WDR41: variants seen among roughly 807,000 people sequenced by gnomAD.
WDR41 encodes WD repeat-containing protein 41.
WDR41 carries 63 observed loss-of-function variants against 69.3 expected under a neutral mutation model. That is an observed-to-expected ratio of 0.91 (90% CI 0.74 to 1.12). The LOEUF is 1.12. WDR41 is among the 50% of genes most tolerant of loss of function. The pLI is 0.00. For synonymous variants in WDR41, 185 were observed against 192.1 expected (o/e 0.96, Z 0.31); for missense variants, 543 against 534.5 (o/e 1.02, Z -0.16).
chr5:77,615,371 T>G (rs1276943562), intron 1 of WDR41, among the ~76,000 whole-genome samples: 1 of 152,144 alleles, frequency 6.6e-6, no homozygotes, highest in Non-Finnish European at 1.5e-5. Context: ...ATATTTATAA[T>G]GTCTGAGATA....
intron 1 of WDR41, among the ~76,000 whole-genome samples, chr5:77,539,669 T>C (rs1293250197): frequency 6.6e-6 from 1 of 152,210 alleles, no homozygotes; most frequent in Non-Finnish European, 1.5e-5. Context: ...AGCCTCTGTT[T>C]CCTGTAAAAT....
chr5:77,434,951 GT>G (rs1561723254), intron 12 of WDR41, among the ~76,000 whole-genome samples: 1 of 152,028 alleles, frequency 6.6e-6, no homozygotes, highest in African/African-American at 2.4e-5. Context: ...AAAAAATAAA[GT>G]CCAAACTCCT....
chr5:77,586,297 T>G (rs1744037366), intron 1 of WDR41, among the ~76,000 whole-genome samples: 1 of 144,468 alleles, frequency 6.9e-6, no homozygotes, highest in Admixed American at 7.0e-5. Context: ...TATTTATTTA[T>G]TTATGTATTT....
chr5:77,569,620 A>G (rs1022410287), intron 1 of WDR41, among the ~76,000 whole-genome samples: 6 of 152,160 alleles, frequency 3.9e-5, no homozygotes, highest in Non-Finnish European at 8.8e-5. Flanking sequence ...ATAGCAAGAA[A>G]CCAGTAGAAT....
chr5:77,582,844 C>T (rs1177411156), intron 1 of WDR41: 5 of 1,602,592 alleles, frequency 3.1e-6, no homozygotes, highest in African/African-American at 2.7e-5. Context: ...AATCTACAAG[C>T]GTGGTTATGG....
upstream of WDR41, chr5:77,492,545 C>T: frequency 3.1e-6 from 1 of 326,264 alleles, no homozygotes; most frequent in East Asian, 4.9e-5. Context: ...GCGCACGGAG[C>T]TTAGGTAGCT....
intron 1 of WDR41, among the ~76,000 whole-genome samples, chr5:77,611,279 T>C (rs1744544258): frequency 6.6e-6 from 1 of 152,126 alleles, no homozygotes; most frequent in Non-Finnish European, 1.5e-5. Flanking sequence ...TACACAGGAA[T>C]TGAACTCAGC....
chr5:77,588,683 C>T (rs1210195541), intron 1 of WDR41, among the ~76,000 whole-genome samples: 1 of 152,080 alleles, frequency 6.6e-6, no homozygotes, highest in Non-Finnish European at 1.5e-5. Context: ...TTAGCAAATA[C>T]CAAATGATTG....
chr5:77,541,328 A>G (rs952056343), intron 1 of WDR41, among the ~76,000 whole-genome samples: 9 of 152,176 alleles, frequency 5.9e-5, no homozygotes, highest in Non-Finnish European at 1.3e-4. Flanking sequence ...GAAGACATAC[A>G]TTCAGTCAAC....
At chr5:77,516,710 G>T (rs1340216955) in intron 1 of WDR41, among the ~76,000 whole-genome samples, 1 of 152,174 alleles carries the variant, frequency 6.6e-6, no homozygotes, top group Non-Finnish European at 1.5e-5. Flanking sequence ...AATTGTGTGT[G>T]CCACTTGTCT....
At chr5:77,514,441 A>G (rs913526734) in intron 1 of WDR41, among the ~76,000 whole-genome samples, 3 of 152,190 alleles carry the variant, frequency 2.0e-5, no homozygotes, top group African/African-American at 4.8e-5. Flanking sequence ...TTGCTTTTAC[A>G]GAATCATATT....
intron 8 of WDR41, among the ~76,000 whole-genome samples, chr5:77,447,622 T>C (rs952697919): frequency 3.9e-5 from 6 of 152,194 alleles, no homozygotes; most frequent in Non-Finnish European, 7.3e-5. Flanking sequence ...TGCAGGGACA[T>C]AGTCATGAAG....
intron 1 of WDR41, chr5:77,499,273 A>G (rs11955805): frequency 0.054 from 8,212 of 152,308 alleles, 364 homozygotes; most frequent in Admixed American, 0.13. Flanking sequence ...CCTGAATCCA[A>G]TGCAACCTCA....
intron 8 of WDR41, among the ~76,000 whole-genome samples, chr5:77,444,047 AT>A (rs1799280270): frequency 2.6e-5 from 4 of 151,796 alleles, no homozygotes; most frequent in Admixed American, 2.6e-4. Context: ...CACCTGGCTA[AT>A]TTTTGTATTT....
chr5:77,492,619 A>G, upstream of WDR41: 1 of 213,052 alleles, frequency 4.7e-6, no homozygotes, highest in Non-Finnish European at 9.2e-6. Context: ...GCGCGCACGA[A>G]GAATAATGCC....
chr5:77,481,215 G>A (rs1801240600), intron 2 of WDR41, among the ~76,000 whole-genome samples: 1 of 151,912 alleles, frequency 6.6e-6, no homozygotes, highest in Admixed American at 6.6e-5. Context: ...TCACCATGTT[G>A]GGCAGGCTGG....
intron 1 of WDR41, among the ~76,000 whole-genome samples, chr5:77,583,856 C>A (rs892907395): frequency 1.3e-5 from 2 of 152,030 alleles, no homozygotes; most frequent in Admixed American, 1.3e-4. Context: ...TGCAAAAATT[C>A]TCAACAAAAT....
chr5:77,509,084 T>G (rs1802157689), intron 1 of WDR41, among the ~76,000 whole-genome samples: 1 of 152,246 alleles, frequency 6.6e-6, no homozygotes, highest in Non-Finnish European at 1.5e-5. Context: ...TCTTCTTAAC[T>G]GTCCCTCTCT....
chr5:77,463,097 T>C lies in WDR41; in HGVS notation c.346A>G (p.Ile116Val), dbSNP rs576348276. The change falls in exon 4 of 13, where the codon ATT becomes GTT. Residue 116 changes from isoleucine to valine, a missense_variant and splice_region_variant. Physicochemically the swap from Ile to Val is conservative, Grantham distance 29. Coordinates refer to ENST00000296679, the MANE Select transcript of WDR41 (RefSeq NM_018268.4). ...ATTTCTTCCAGATTAAAGGATACAA[T>C]AACTGTTCTATCAGCAGAGGCTGTC... is the stretch of plus-strand genomic sequence containing the variant. Reference protein sequence around the residue: ...ILTASADRTVIVWDGDTTRQV... With the variant: ...ILTASADRTVVVWDGDTTRQV... The C allele has an allele frequency of 3.1e-6, 5 of 1,611,548 alleles. No homozygotes were observed. In the African/African-American group the frequency reaches 5.3e-5, roughly 17 times the overall value.
Sources: gnomAD v4.1 joint callset for allele counts (sites outside exome capture counted in the v4.1 genomes callset) on GRCh38, gnomAD v4.1.1 for gene constraint, MANE v1.5 for transcripts, NCBI Gene and HGNC (gene_info 2026-07-23, HGNC 2026-07-21) for gene names.